Variants in HECW1 observed in about 807,000 individuals in gnomAD.
HECW1 encodes HECT, C2 and WW domain containing E3 ubiquitin protein ligase 1, also known as E3 ubiquitin-protein ligase HECW1.
In HECW1, 61 loss-of-function variants were observed where a neutral mutation model predicts 182.3. The ratio of observed to expected loss-of-function variants is 0.33; its 90% CI spans 0.27 to 0.41. HECW1 has a LOEUF of 0.41. Among genes scored for constraint, HECW1 ranks in the 10% least tolerant of loss-of-function variants. The pLI is 1.00. For synonymous variants in HECW1, 859 were observed against 832.6 expected (o/e 1.03, Z -0.55); for missense variants, 1,739 against 2,108.9 (o/e 0.82, Z 3.44).
intron 11 of HECW1, among the ~76,000 whole-genome samples, chr7:43,449,734 G>T (rs1359136942): frequency 2.0e-5 from 3 of 152,182 alleles, no homozygotes; most frequent in Non-Finnish European, 2.9e-5. Flanking sequence ...TTGCCCTCTG[G>T]CCCTTAAAGG....
chr7:43,340,121 T>C (rs1400255401), intron 5 of HECW1, among the ~76,000 whole-genome samples: 1 of 151,786 alleles, frequency 6.6e-6, no homozygotes, highest in Non-Finnish European at 1.5e-5. Context: ...CCTGGAAACA[T>C]TTTGTTTTAA....
chr7:43,233,598 A>C (rs1584094582), intron 2 of HECW1, among the ~76,000 whole-genome samples: 2 of 152,342 alleles, frequency 1.3e-5, no homozygotes, highest in South Asian at 2.1e-4. Flanking sequence ...AGCTTCCAAA[A>C]TGGTGCAAAA....
chr7:43,436,794 C>A (rs1420234701), intron 8 of HECW1, among the ~76,000 whole-genome samples: 3 of 152,196 alleles, frequency 2.0e-5, no homozygotes, highest in African/African-American at 7.2e-5. Context: ...TCACGGTCTT[C>A]CTTTAATTGG....
At chr7:43,407,496 G>A in intron 7 of HECW1, 66 bp from the exon 8 acceptor site, 1 of 1,211,378 alleles carries the variant, frequency 8.3e-7, no homozygotes, top group East Asian at 2.5e-5. Context: ...GAAAGGTGTG[G>A]TTACCAAATG....
intron 17 of HECW1, among the ~76,000 whole-genome samples, chr7:43,480,179 G>A (rs969485834): frequency 6.6e-6 from 1 of 152,056 alleles, no homozygotes; most frequent in Non-Finnish European, 1.5e-5. Flanking sequence ...AGAAACTAGG[G>A]GGAATTAACC....
chr7:43,351,753 T>A (rs1386999346), intron 5 of HECW1, among the ~76,000 whole-genome samples: 3 of 151,612 alleles, frequency 2.0e-5, no homozygotes, highest in African/African-American at 7.3e-5. Flanking sequence ...CAGTACAATG[T>A]AAATGAAAAC....
Position 43,488,588 on chromosome 7 carries a change from C to T in HECW1, c.3235-3487C>T, listed in dbSNP as rs76133870. ...AATCAGTCACTCAGTTGCTGTCAGA[C>T]GTCCCTCGGGATGGATTGTTTAGTA... On this transcript the variant is annotated intron_variant, in intron 17 of 29. Transcript: ENST00000395891. Among the ~76,000 whole-genome samples, 21 of 152,322 alleles carry T rather than the reference C, an allele frequency of 1.4e-4. No individual in the cohort carries two copies. In the East Asian group the frequency reaches 3.5e-3, roughly 25 times the overall value.
chr7:43,496,335 T>G (rs753029062), intron 19 of HECW1, among the ~76,000 whole-genome samples: 3 of 151,958 alleles, frequency 2.0e-5, no homozygotes, highest in Non-Finnish European at 4.4e-5. Context: ...CTAAGGAAAC[T>G]GTGGACCCAG....
intron 3 of HECW1, among the ~76,000 whole-genome samples, chr7:43,250,024 A>G (rs1436631897): frequency 6.6e-6 from 1 of 152,062 alleles, no homozygotes; most frequent in African/African-American, 2.4e-5. Flanking sequence ...ACACGATTTC[A>G]GACAATAACT....
In HECW1 at chr7:43,114,335, C is replaced by G; in HGVS notation, c.-88C>G. Reference sequence around the variant, plus strand: ...TGTTGTGGTCCAAGGCGTCTCAAAGCAGGTGGCCAGATCTGCGTTTCTCAT... The same window carrying G: ...TGTTGTGGTCCAAGGCGTCTCAAAGGAGGTGGCCAGATCTGCGTTTCTCAT... On this transcript the variant is annotated 5_prime_UTR_variant, in exon 2 of 30. Coordinates refer to ENST00000395891, the MANE Select transcript of HECW1 (RefSeq NM_015052.5). 1 of 1,360,006 alleles carries G rather than the reference C, an allele frequency of 7.4e-7. No individual in the cohort carries two copies. Among genetic ancestry groups the G allele is most frequent in the Non-Finnish European group, 9.7e-7 (1 of 1,032,046 alleles). 84.2% of individuals were successfully genotyped at this position (1,360,006 alleles called of 1,614,324 possible).
chr7:43,561,738 A>G, intron 29 of HECW1, 77 bp from the exon 30 acceptor site: 1 of 1,006,230 alleles, frequency 9.9e-7, no homozygotes, highest in Non-Finnish European at 1.5e-6. Context: ...TTGAATCACA[A>G]CTTCAGACAG....
chr7:43,519,016 A>G (rs1171123651), intron 24 of HECW1, among the ~76,000 whole-genome samples: 3 of 152,236 alleles, frequency 2.0e-5, no homozygotes, highest in East Asian at 3.8e-4. Context: ...GTTATCTCAT[A>G]GAAACAAAAG....
chr7:43,119,502 C>G (rs917739045), intron 2 of HECW1, among the ~76,000 whole-genome samples: 2 of 152,178 alleles, frequency 1.3e-5, no homozygotes, highest in African/African-American at 4.8e-5. Flanking sequence ...GGCCTTGGCT[C>G]TCAGACTTCT....
At chr7:43,225,182 G>C (rs377546362) in intron 2 of HECW1, among the ~76,000 whole-genome samples, 1 of 152,282 alleles carries the variant, frequency 6.6e-6, no homozygotes, top group East Asian at 1.9e-4. Flanking sequence ...TGGCTGGACT[G>C]TTTTTCATGG....
intron 2 of HECW1, among the ~76,000 whole-genome samples, chr7:43,155,556 G>T (rs191487880): frequency 2.0e-5 from 3 of 152,270 alleles, no homozygotes; most frequent in Non-Finnish European, 4.4e-5. Context: ...TTTGGCAAAA[G>T]AATTTTATAT....
intron 2 of HECW1, among the ~76,000 whole-genome samples, chr7:43,120,135 C>T (rs1785438239): frequency 6.6e-6 from 1 of 152,164 alleles, no homozygotes; most frequent in African/African-American, 2.4e-5. Flanking sequence ...TAGCCCTGTT[C>T]AGGATGAAAC....
chr7:43,316,029 T>C (rs2152776299), intron 4 of HECW1, among the ~76,000 whole-genome samples: 1 of 152,316 alleles, frequency 6.6e-6, no homozygotes, highest in Admixed American at 6.5e-5. Context: ...TCCACTCTTC[T>C]ATTATAGATT....
At chr7:43,500,521 T>A (rs998146141) in intron 19 of HECW1, among the ~76,000 whole-genome samples, 178 bp from the exon 20 acceptor site, 1 of 152,144 alleles carries the variant, frequency 6.6e-6, no homozygotes, top group African/African-American at 2.4e-5. Context: ...AGAAAAGCCA[T>A]CCCTCATAGA....
At chr7:43,498,150 G>A (rs1323113624) in intron 19 of HECW1, among the ~76,000 whole-genome samples, 2 of 152,218 alleles carry the variant, frequency 1.3e-5, no homozygotes, top group African/African-American at 4.8e-5. Flanking sequence ...CATGTTGCCA[G>A]ACATGACAGA....
Sources: allele counts gnomAD v4.1 joint callset (sites outside exome capture counted in the v4.1 genomes callset), GRCh38; gene constraint gnomAD v4.1.1; transcripts MANE v1.5; gene names NCBI Gene and HGNC (gene_info 2026-07-23, HGNC 2026-07-21).